Variants in ZNF407 observed in about 807,000 individuals in gnomAD.
ZNF407 encodes zinc finger protein 407.
A neutral mutation model predicts 131.2 loss-of-function variants in ZNF407; 17 were observed. The observed-to-expected ratio is 0.13, with a 90% CI of 0.09 to 0.19. The LOEUF (loss-of-function observed/expected upper bound fraction) is 0.19, where lower values mean the gene tolerates loss of function less well. ZNF407 is among the 10% of genes least tolerant of loss of function. ZNF407 has a pLI of 1.00. For missense variants in ZNF407, 2,681 were observed against 2,830.6 expected (o/e 0.95, Z 1.20); for synonymous variants, 1,156 against 1,062.0 (o/e 1.09, Z -1.72).
At chr18:74,742,997 G>A (rs521221) in intron 3 of ZNF407, among the ~76,000 whole-genome samples, 149,773 of 152,210 alleles carry the variant, frequency 0.98, 73,753 homozygotes, top group Middle Eastern at 1. Context: ...GTGGATGGAT[G>A]GAAGATGATA....
intron 1 of ZNF407, among the ~76,000 whole-genome samples, chr18:74,611,897 A>G (rs1983073657): frequency 6.6e-6 from 1 of 152,126 alleles, no homozygotes; most frequent in Admixed American, 6.5e-5. Flanking sequence ...GAAAGGTATT[A>G]CCCTAGAGAA....
chr18:74,749,227 A>G (rs1319600892), intron 3 of ZNF407, among the ~76,000 whole-genome samples: 1 of 152,174 alleles, frequency 6.6e-6, no homozygotes, highest in African/African-American at 2.4e-5. Context: ...CCATAGGAAT[A>G]TGAGAGCATC....
intron 3 of ZNF407, among the ~76,000 whole-genome samples, chr18:74,752,762 GT>G (rs1488480145): frequency 6.6e-6 from 1 of 152,328 alleles, no homozygotes; most frequent in Admixed American, 6.5e-5. Flanking sequence ...GTACCATGCT[GT>G]TTTGGTTACT....
chr18:74,810,511 G>T (rs1261892299), intron 4 of ZNF407, among the ~76,000 whole-genome samples: 1 of 152,076 alleles, frequency 6.6e-6, no homozygotes, highest in East Asian at 1.9e-4. Flanking sequence ...AATAAATAAT[G>T]TGATTTGATA....
At chr18:75,025,710 T>C (rs1340108697) in intron 8 of ZNF407, among the ~76,000 whole-genome samples, 1 of 152,210 alleles carries the variant, frequency 6.6e-6, no homozygotes, top group Non-Finnish European at 1.5e-5. Flanking sequence ...TAAAATTGGC[T>C]TCTCCTAATG....
intron 4 of ZNF407, among the ~76,000 whole-genome samples, chr18:74,866,222 C>G (rs1380166260): frequency 1.3e-5 from 2 of 152,084 alleles, no homozygotes; most frequent in Non-Finnish European, 2.9e-5. Flanking sequence ...TGGTGATGCT[C>G]CAGTGCACAA....
chr18:74,625,708 T>C (rs1320911501), intron 1 of ZNF407, among the ~76,000 whole-genome samples: 4 of 152,206 alleles, frequency 2.6e-5, no homozygotes, highest in Non-Finnish European at 5.9e-5. Flanking sequence ...ACCATGCCCC[T>C]CTCCTGGACT....
chr18:74,948,567 T>G (rs1972180131), intron 8 of ZNF407, among the ~76,000 whole-genome samples: 2 of 152,238 alleles, frequency 1.3e-5, no homozygotes, highest in South Asian at 4.1e-4. Context: ...ACTACCAAGT[T>G]AATTTATCAT....
At chr18:75,036,984 G>T (rs755017417) in intron 8 of ZNF407, among the ~76,000 whole-genome samples, 3 of 152,172 alleles carry the variant, frequency 2.0e-5, no homozygotes, top group Non-Finnish European at 4.4e-5. Flanking sequence ...TGGCAGCGTC[G>T]AGCTGAGGCA....
intron 4 of ZNF407, among the ~76,000 whole-genome samples, chr18:74,813,785 G>A (rs1970231680): frequency 1.3e-5 from 2 of 152,204 alleles, no homozygotes; most frequent in South Asian, 4.1e-4. Context: ...AGGACGTGGT[G>A]GTTGTAATTA....
Position 74,716,840 on chromosome 18 carries a change from G to A in ZNF407, c.4803-64588G>A, listed in dbSNP as rs939615315. Among the ~76,000 whole-genome samples, 6 of 152,154 alleles carry A rather than the reference G, an allele frequency of 3.9e-5. 1 individual carries two copies. The South Asian group carries it at 8.3e-4, about 21-fold the overall frequency. ...AATTTCAAGTATGTTGAAATAGATCGCATTTTAAAATGAGCATTACTGTCT... is the reference window on the plus strand; with the variant it reads ...AATTTCAAGTATGTTGAAATAGATCACATTTTAAAATGAGCATTACTGTCT... On this transcript the variant is annotated intron_variant, in intron 3 of 8. Coordinates refer to ENST00000299687, the MANE Select transcript of ZNF407 (RefSeq NM_017757.3).
chr18:74,652,699 G>A (rs1198130899), intron 3 of ZNF407, among the ~76,000 whole-genome samples: 1 of 151,926 alleles, frequency 6.6e-6, no homozygotes, highest in African/African-American at 2.4e-5. Flanking sequence ...ACTTCCCGAG[G>A]TGCTTCCTCC....
intron 7 of ZNF407, among the ~76,000 whole-genome samples, chr18:74,910,070 C>T (rs192698818): frequency 6.6e-6 from 1 of 152,212 alleles, no homozygotes; most frequent in African/African-American, 2.4e-5. Context: ...CATGATTGGG[C>T]ACATGTAGCT....
intron 4 of ZNF407, among the ~76,000 whole-genome samples, chr18:74,802,603 G>C (rs1970038659): frequency 6.6e-6 from 1 of 152,130 alleles, no homozygotes; most frequent in Non-Finnish European, 1.5e-5. Flanking sequence ...CTTCAGGTCA[G>C]TTCGAAAATT....
In ZNF407 at chr18:74,766,183, G is replaced by C. The variant is rs187812746; in HGVS notation, c.4803-15245G>C. ...TCTGTAAGGCGTTGTCATCACATCT[G>C]ATGTTGGACCTTGAAACCCACAGGG... On this transcript the variant is annotated intron_variant, in intron 3 of 8. Transcript: ENST00000299687. Among the ~76,000 whole-genome samples the C allele has an allele frequency of 2.3e-3, 354 of 152,234 alleles. 3 individuals are homozygous for C. Among genetic ancestry groups the C allele is most frequent in the African/African-American group, 8.1e-3 (338 of 41,546 alleles).
intron 3 of ZNF407, among the ~76,000 whole-genome samples, chr18:74,641,364 A>G (rs1984707703): frequency 6.6e-6 from 1 of 152,190 alleles, no homozygotes; most frequent in South Asian, 2.1e-4. Context: ...TAATCTGTAA[A>G]TTGACTAAAT....
At chr18:74,893,813 C>T (rs890314272) in intron 7 of ZNF407, among the ~76,000 whole-genome samples, 3 of 151,940 alleles carry the variant, frequency 2.0e-5, no homozygotes, top group African/African-American at 7.3e-5. Flanking sequence ...TTTTACTGTT[C>T]AAAATATTTA....
chr18:74,688,736 TG>T (rs1463103317), intron 3 of ZNF407, among the ~76,000 whole-genome samples: 1 of 152,150 alleles, frequency 6.6e-6, no homozygotes, highest in Non-Finnish European at 1.5e-5. Flanking sequence ...TTAATGCATG[TG>T]GGTATTCAGT....
At chr18:74,831,769 C>T (rs751931867) in intron 4 of ZNF407, among the ~76,000 whole-genome samples, 1 of 152,168 alleles carries the variant, frequency 6.6e-6, no homozygotes, top group Non-Finnish European at 1.5e-5. Flanking sequence ...GTGCATCACC[C>T]TGAGTGTGGG....
Sources: allele counts gnomAD v4.1 joint callset (sites outside exome capture counted in the v4.1 genomes callset), GRCh38; gene constraint gnomAD v4.1.1; transcripts MANE v1.5; gene names NCBI Gene and HGNC (gene_info 2026-07-23, HGNC 2026-07-21).